EYS: variants seen among roughly 807,000 people sequenced by gnomAD.
EYS encodes the protein EGF-like photoreceptor maintenance factor, also known as protein eyes shut homolog.
Under a neutral mutation model 282.1 loss-of-function variants are expected in EYS, and 250 were observed. The observed-to-expected ratio is 0.89, with a 90% CI of 0.80 to 0.98. The LOEUF is 0.98. EYS is among the 50% of genes least tolerant of loss of function. The pLI is 0.00. For synonymous variants in EYS, 1,355 were observed against 1,282.9 expected (o/e 1.06, Z -1.20); for missense variants, 4,016 against 3,709.0 (o/e 1.08, Z -2.15).
intron 26 of EYS, among the ~76,000 whole-genome samples, chr6:64,529,979 G>A (rs1019078278): frequency 4.6e-5 from 7 of 152,074 alleles, no homozygotes; most frequent in Admixed American, 4.6e-4. Context: ...CTTGAAATTT[G>A]TGCATGGGTA....
chr6:64,755,497 T>TACACACACAC (rs56705165), intron 22 of EYS, among the ~76,000 whole-genome samples: 14 of 139,018 alleles, frequency 1.0e-4, no homozygotes, highest in African/African-American at 3.2e-4. Context: ...AGAACATACA[T>TACACACACAC]ACACACACAC....
Position 64,902,511 on chromosome 6 carries a change from TATGAG to T in EYS, c.2642-16_2642-12del. ...TTTTACCTTCAAATTCTGCAAAGAG[TATGAG>T]ATGAGTATGGATGAGCAATCCTTGT... On this transcript the variant is annotated splice_polypyrimidine_tract_variant and intron_variant, in intron 16 of 42. Coordinates refer to ENST00000503581, the MANE Select transcript of EYS (RefSeq NM_001142800.2). 6.7e-7 allele frequency: 1 copy of T among 1,492,778 alleles called. No homozygotes were observed. The highest frequency in any genetic ancestry group is 1.7e-4 in the Middle Eastern group (1 of 5,870). The allele number at this position is 1,492,778 out of a possible 1,614,324, so 92.5% of individuals were successfully genotyped here.
intron 12 of EYS, among the ~76,000 whole-genome samples, chr6:65,083,706 A>T (rs1280366453): frequency 6.6e-6 from 1 of 151,896 alleles, no homozygotes; most frequent in Non-Finnish European, 1.5e-5. Flanking sequence ...CATCAATGAG[A>T]GTAAACATTG....
chr6:65,075,361 G>A (rs1300771295), intron 12 of EYS, among the ~76,000 whole-genome samples: 1 of 151,932 alleles, frequency 6.6e-6, no homozygotes, highest in Non-Finnish European at 1.5e-5. Flanking sequence ...CATTTTGAAA[G>A]TATTAAATAT....
chr6:65,099,420 T>A (rs981247), intron 12 of EYS, among the ~76,000 whole-genome samples: 1 of 150,760 alleles, frequency 6.6e-6, no homozygotes, highest in South Asian at 2.1e-4. Context: ...TTCTCTAATA[T>A]CTGGCACATA....
At chr6:64,783,296 C>T (rs990208387) in intron 22 of EYS, among the ~76,000 whole-genome samples, 27 of 151,494 alleles carry the variant, frequency 1.8e-4, no homozygotes, top group Admixed American at 9.2e-4. Flanking sequence ...ATATACATAT[C>T]CTATATACAT....
At chr6:63,987,156 A>G (rs1051184995) in intron 34 of EYS, among the ~76,000 whole-genome samples, 2 of 151,728 alleles carry the variant, frequency 1.3e-5, no homozygotes, top group Non-Finnish European at 3.0e-5. Context: ...TAGCCACCAC[A>G]TTGGAAACTA....
chr6:65,275,542 TA>T (rs1241400355), intron 12 of EYS, among the ~76,000 whole-genome samples: 2 of 152,148 alleles, frequency 1.3e-5, no homozygotes, highest in Admixed American at 1.3e-4. Flanking sequence ...TATGGCTTCA[TA>T]AGGAGTTCCC....
chr6:65,068,823 C>T (rs1314706516), intron 12 of EYS, among the ~76,000 whole-genome samples: 1 of 152,192 alleles, frequency 6.6e-6, no homozygotes, highest in Non-Finnish European at 1.5e-5. Context: ...TTATGTTCAA[C>T]TCTACTCATA....
At chr6:64,297,977 C>CAAAAAAAAAA (rs34562408) in intron 30 of EYS, among the ~76,000 whole-genome samples, 38 of 96,434 alleles carry the variant, frequency 3.9e-4, no homozygotes, top group African/African-American at 1.3e-3. Flanking sequence ...GATTCTGTCT[C>CAAAAAAAAAA]AAAAAAAAAA....
intron 1 of EYS, among the ~76,000 whole-genome samples, chr6:65,673,630 T>C (rs1441171465): frequency 6.6e-6 from 1 of 152,034 alleles, no homozygotes; most frequent in Non-Finnish European, 1.5e-5. Context: ...CATTAGTCCA[T>C]TCTACGTTTC....
chr6:64,135,591 TAAG>T (rs761825689), intron 31 of EYS, among the ~76,000 whole-genome samples: 11 of 152,154 alleles, frequency 7.2e-5, no homozygotes, highest in East Asian at 1.9e-4. Flanking sequence ...AAACTGACCT[TAAG>T]AAGGAGTACA....
chr6:63,720,952 T>C lies in EYS; in HGVS notation c.9079A>G (p.Arg3027Gly). Reference sequence around the variant, plus strand: ...TTATAGCTCATAGGCACAGAGATTCTTTCTCCCAAGTTAACTGCTATTTTC... The same window carrying C: ...TTATAGCTCATAGGCACAGAGATTCCTTCTCCCAAGTTAACTGCTATTTTC... ...TLKIAVNLGERISVPMSYNNG... is the reference protein window; with the variant it reads ...TLKIAVNLGEGISVPMSYNNG... Residue 3027 changes from arginine to glycine, a missense_variant, in exon 43 of 43, where the codon AGA (arginine) becomes GGA (glycine). Physicochemically the swap from Arg to Gly is moderately radical, Grantham distance 125. Transcript: ENST00000503581. The C allele has an allele frequency of 6.4e-7, 1 of 1,551,360 alleles. No homozygotes were observed. Among genetic ancestry groups the C allele is most frequent in the South Asian group, 1.2e-5 (1 of 84,062 alleles).
chr6:64,688,709 G>A (rs1375362233), intron 22 of EYS, among the ~76,000 whole-genome samples: 1 of 152,118 alleles, frequency 6.6e-6, no homozygotes, highest in African/African-American at 2.4e-5. Context: ...TGTTGATTTG[G>A]GGTGGAGAGT....
chr6:65,697,174 A>G (rs1171523540), intron 1 of EYS, among the ~76,000 whole-genome samples: 1 of 152,066 alleles, frequency 6.6e-6, no homozygotes, highest in Non-Finnish European at 1.5e-5. Flanking sequence ...TAAAATTATT[A>G]TAATTAACAG....
intron 13 of EYS, among the ~76,000 whole-genome samples, chr6:65,001,687 T>C (rs1241128764): frequency 6.8e-5 from 10 of 147,960 alleles, no homozygotes; most frequent in Admixed American, 6.7e-4. Flanking sequence ...GTGTCTTCTG[T>C]CTGTATTACT....
chr6:65,350,118 C>A (rs554617408), intron 9 of EYS, among the ~76,000 whole-genome samples: 1 of 151,110 alleles, frequency 6.6e-6, no homozygotes, highest in African/African-American at 2.4e-5. Flanking sequence ...AAATACTAAA[C>A]CACTTTTTTT....
intron 12 of EYS, among the ~76,000 whole-genome samples, chr6:65,249,365 A>T (rs1485599016): frequency 1.3e-5 from 2 of 152,158 alleles, no homozygotes; most frequent in Non-Finnish European, 2.9e-5. Context: ...AAGACATTCC[A>T]AAATTAAGCA....
chr6:64,360,056 T>C (rs930192952), intron 29 of EYS, among the ~76,000 whole-genome samples: 4 of 151,636 alleles, frequency 2.6e-5, no homozygotes, highest in Admixed American at 6.6e-5. Context: ...TGAATAGGGG[T>C]CAAAAGATCT....
Sources: gnomAD v4.1 joint callset for allele counts (sites outside exome capture counted in the v4.1 genomes callset) on GRCh38, gnomAD v4.1.1 for gene constraint, MANE v1.5 for transcripts, NCBI Gene and HGNC (gene_info 2026-07-23, HGNC 2026-07-21) for gene names.